The following MAP2K5 variants were observed in gnomAD, a reference collection of about 807,000 sequenced individuals.
MAP2K5 encodes mitogen-activated protein kinase kinase 5.
MAP2K5 carries 49 observed loss-of-function variants against 83.1 expected under a neutral mutation model. The observed-to-expected ratio is 0.59, with a 90% confidence interval of 0.47 to 0.75. The LOEUF is 0.75. MAP2K5 is among the 30% of genes least tolerant of loss of function. The probability of loss-of-function intolerance (pLI) is 0.00; values close to 1 mark genes in which losing one functional copy is unlikely to be tolerated. For missense variants in MAP2K5, 457 were observed against 557.5 expected, an observed-to-expected ratio of 0.82 and a Z score of 1.82; for synonymous variants, 202 against 191.8, an observed-to-expected ratio of 1.05 and a Z score of -0.44.
intron 17 of MAP2K5, among the ~76,000 whole-genome samples, chr15:67,741,866 A>G (rs2089500585): frequency 6.6e-6 from 1 of 152,038 alleles, no homozygotes; most frequent in Non-Finnish European, 1.5e-5. Flanking sequence ...TTACAGAAAG[A>G]CATACTTCTT....
chr15:67,647,072 TA>T (rs1178861053), intron 11 of MAP2K5, among the ~76,000 whole-genome samples: 2 of 152,232 alleles, frequency 1.3e-5, no homozygotes, highest in Non-Finnish European at 2.9e-5. Flanking sequence ...TCATTATTAT[TA>T]TTTACCAATT....
At chr15:67,803,723 A>G (rs932101575) in intron 21 of MAP2K5, among the ~76,000 whole-genome samples, 5 of 152,158 alleles carry the variant, frequency 3.3e-5, no homozygotes, top group African/African-American at 9.7e-5. Context: ...GACAGTGCTG[A>G]TAGAGGTCAA....
At position 67,717,424 on chromosome 15, in the gene MAP2K5, A is replaced by G. The variant is rs1327873511; in HGVS notation, c.1045-10492A>G. 2.0e-5 allele frequency among the ~76,000 whole-genome samples: 3 copies of G among 152,208 alleles called. No homozygotes were observed. The highest frequency in any genetic ancestry group is 2.0e-4 in the Admixed American group (3 of 15,280). On this transcript the variant is annotated intron_variant, in intron 16 of 21. Transcript: ENST00000178640. This position sits in a 1 kb window ranked among gnomAD's most constrained non-coding sequence, Gnocchi z 4.1. ...CCCAGTGTTGGCAGTAAGGGTACAT[A>G]CTTTGCCCTCAGTGACTCCTTGACT...
At chr15:67,715,832 C>T (rs2088816799) in intron 16 of MAP2K5, among the ~76,000 whole-genome samples, 1 of 152,166 alleles carries the variant, frequency 6.6e-6, no homozygotes, top group Non-Finnish European at 1.5e-5. Flanking sequence ...ACTTTCTATT[C>T]AGTATAAAGA....
chr15:67,727,825 A>T, intron 16 of MAP2K5, 91 bp from the exon 17 acceptor site: 1 of 890,332 alleles, frequency 1.1e-6, no homozygotes, highest in Admixed American at 1.7e-5. Context: ...TATTTGCTGG[A>T]TGCAGTTCTG....
At chr15:67,576,258 A>C (rs1227073034) in intron 3 of MAP2K5, among the ~76,000 whole-genome samples, 1 of 147,130 alleles carries the variant, frequency 6.8e-6, no homozygotes, top group Non-Finnish European at 1.5e-5. Context: ...CATAAACTTA[A>C]ACTGTGCTGT....
intron 4 of MAP2K5, among the ~76,000 whole-genome samples, chr15:67,582,025 T>C (rs1192363981): frequency 2.0e-5 from 3 of 152,108 alleles, no homozygotes; most frequent in Non-Finnish European, 4.4e-5. Flanking sequence ...GCTATTTCTG[T>C]TTATTAGTCC....
chr15:67,784,075 T>A (rs1286434991), intron 21 of MAP2K5, among the ~76,000 whole-genome samples: 1 of 152,258 alleles, frequency 6.6e-6, no homozygotes, highest in African/African-American at 2.4e-5. Context: ...GAAATGGATC[T>A]AAACATAAAA....
chr15:67,553,578 T>C (rs1567268414), intron 2 of MAP2K5, among the ~76,000 whole-genome samples: 1 of 152,234 alleles, frequency 6.6e-6, no homozygotes, highest in Admixed American at 6.5e-5. Flanking sequence ...GACTTTTTTT[T>C]CTGAACCAGA....
intron 11 of MAP2K5, among the ~76,000 whole-genome samples, chr15:67,654,684 T>TATTCTTA (rs907628338): frequency 6.6e-6 from 1 of 152,198 alleles, no homozygotes; most frequent in African/African-American, 2.4e-5. Flanking sequence ...TTTTGAGTTA[T>TATTCTTA]ATTCTTAATG....
chr15:67,785,985 C>G lies in MAP2K5; in HGVS notation c.1242+13233C>G, dbSNP rs1215495375. Among the ~76,000 whole-genome samples the G allele has an allele frequency of 6.6e-6, 1 of 151,426 alleles. No individual in the cohort carries two copies. Among genetic ancestry groups the G allele is most frequent in the Admixed American group, 6.6e-5 (1 of 15,182 alleles). On this transcript the variant is annotated intron_variant, in intron 21 of 21. Transcript: ENST00000178640. The surrounding 1 kb of genome is among the most constrained non-coding windows in gnomAD (Gnocchi z 4.4). ...TCATCTGTAAAATGGGGTAATGATA[C>G]CAACTTCACAGGGGGCTTTTAGCTG...
Position 67,543,105 on chromosome 15 carries a change from G to A in MAP2K5, c.-231G>A. Reference sequence around the variant, plus strand: ...TCCTGCGGGCCTTTGCCCGCTTCCCGGTGCACCCTCCCCGGGAGACACCTC... The same window carrying A: ...TCCTGCGGGCCTTTGCCCGCTTCCCAGTGCACCCTCCCCGGGAGACACCTC... On this transcript the variant is annotated 5_prime_UTR_variant, in exon 1 of 22. Coordinates refer to ENST00000178640, the MANE Select transcript of MAP2K5 (RefSeq NM_145160.3). The surrounding 1 kb of genome is among the most constrained non-coding windows in gnomAD (Gnocchi z 4.3). 3.6e-6 allele frequency: 2 copies of A among 553,450 alleles called. No homozygotes were observed. Among genetic ancestry groups the A allele is most frequent in the Non-Finnish European group, 6.5e-6 (2 of 308,096 alleles). The allele number at this position is 553,450 out of a possible 1,614,324, so 34.3% of individuals were successfully genotyped here.
chr15:67,783,263 G>A lies in MAP2K5; in HGVS notation c.1242+10511G>A, dbSNP rs148479986. On this transcript the variant is annotated intron_variant, in intron 21 of 21. Transcript: ENST00000178640. The surrounding 1 kb of genome is among the most constrained non-coding windows in gnomAD (Gnocchi z 5.1). ...GGAAGGTGAGGGTAGACACAGCCAAGCACAGGATAGAATGTGAGAATTGCC... is the reference window on the plus strand; with the variant it reads ...GGAAGGTGAGGGTAGACACAGCCAAACACAGGATAGAATGTGAGAATTGCC... 2.8e-3 allele frequency among the ~76,000 whole-genome samples: 430 copies of A among 152,276 alleles called. 2 individuals carry two copies. The highest frequency in any genetic ancestry group is 0.01 in the African/African-American group (418 of 41,556).
Position 67,673,072 on chromosome 15 carries a change from G to A in MAP2K5, c.847+8427G>A, listed in dbSNP as rs184688089. Among the ~76,000 whole-genome samples the A allele has an allele frequency of 3.9e-5, 6 of 152,286 alleles. No homozygotes were observed. The East Asian group carries it at 1.2e-3, about 29-fold the overall frequency. On this transcript the variant is annotated intron_variant, in intron 13 of 21. Coordinates refer to ENST00000178640, the MANE Select transcript of MAP2K5 (RefSeq NM_145160.3). ...CTGTTTTGTTTACTGTAGCCTTGTA[G>A]TATAGTTTGAAGTCAGGTAGCATGA...
At chr15:67,547,525 G>A (rs1368675171) in intron 1 of MAP2K5, among the ~76,000 whole-genome samples, 1 of 146,814 alleles carries the variant, frequency 6.8e-6, no homozygotes, top group African/African-American at 2.5e-5. Context: ...GCGTGATCTC[G>A]GCTCACTGCA....
intron 16 of MAP2K5, among the ~76,000 whole-genome samples, chr15:67,704,738 T>C (rs1367565164): frequency 2.0e-5 from 3 of 152,216 alleles, no homozygotes; most frequent in Admixed American, 6.5e-5. Flanking sequence ...CAAGGGCTTA[T>C]TCTATTAGCC....
At chr15:67,574,229 A>T (rs2085007663) in intron 3 of MAP2K5, among the ~76,000 whole-genome samples, 1 of 152,168 alleles carries the variant, frequency 6.6e-6, no homozygotes, top group African/African-American at 2.4e-5. Flanking sequence ...TGGTCACTGG[A>T]CTGGTGAGAA....
intron 11 of MAP2K5, among the ~76,000 whole-genome samples, chr15:67,653,564 G>A (rs1180805336): frequency 6.6e-6 from 1 of 151,962 alleles, no homozygotes; most frequent in East Asian, 1.9e-4. Flanking sequence ...CCAAAGTGCT[G>A]GGATTACAGG....
Position 67,651,314 on chromosome 15 carries a change from G to T in MAP2K5, c.736+4845G>T, listed in dbSNP as rs1567336340. On this transcript the variant is annotated intron_variant, in intron 11 of 21. Coordinates refer to ENST00000178640, the MANE Select transcript of MAP2K5 (RefSeq NM_145160.3). ...TTTTGACACAAGCATACAATGTGTA[G>T]TAATCAACTCAAAGTAATGGAGATA... is the stretch of plus-strand genomic sequence containing the variant. Among the ~76,000 whole-genome samples, 4 of 152,180 alleles carry T rather than the reference G, an allele frequency of 2.6e-5. No individual in the cohort carries two copies. The South Asian group carries it at 8.3e-4, about 31-fold the overall frequency.
Sources: allele counts gnomAD v4.1 joint callset (sites outside exome capture counted in the v4.1 genomes callset), GRCh38; gene constraint gnomAD v4.1.1; non-coding constraint Gnocchi (gnomAD v3.1); transcripts MANE v1.5; gene names NCBI Gene and HGNC (gene_info 2026-07-23, HGNC 2026-07-21).